Variants in ZNF512 observed in about 807,000 individuals in gnomAD.
ZNF512 encodes the protein zinc finger protein 512.
A neutral mutation model predicts 77.5 loss-of-function variants in ZNF512; 25 were observed. That is an observed-to-expected ratio of 0.32 (90% confidence interval 0.23 to 0.45). The LOEUF is 0.45. Ranked by LOEUF, ZNF512 falls within the 20% of genes least tolerant of loss-of-function variation. ZNF512 has a pLI of 1.00. For synonymous variants in ZNF512, 246 were observed against 239.9 expected (o/e 1.03, Z -0.24); for missense variants, 483 against 692.6 (o/e 0.70, Z 3.40).
At chr2:27,584,974 A>G (rs1671265164) in intron 2 of ZNF512, among the ~76,000 whole-genome samples, 1 of 152,226 alleles carries the variant, frequency 6.6e-6, no homozygotes, top group Admixed American at 6.5e-5. Flanking sequence ...TGGATTTGGA[A>G]GGGTACTGGG....
intron 10 of ZNF512, among the ~76,000 whole-genome samples, chr2:27,608,810 A>C (rs560921700): frequency 1.3e-5 from 2 of 152,060 alleles, no homozygotes; most frequent in Non-Finnish European, 2.9e-5. Flanking sequence ...GAGGAATGTT[A>C]TGTCTTATAA....
intron 2 of ZNF512, 58 bp downstream of exon 2, chr2:27,583,774 ACTT>A: frequency 6.3e-7 from 1 of 1,578,742 alleles, no homozygotes; most frequent in Non-Finnish European, 8.6e-7. Context: ...GACCAGTAGA[ACTT>A]CTTCCTGTGA....
At chr2:27,621,092 CCTTT>C (rs1410042133) in intron 13 of ZNF512, 57 bp from the exon 14 acceptor site, 85 of 1,555,026 alleles carry the variant, frequency 5.5e-5, no homozygotes, top group Non-Finnish European at 6.8e-5. Flanking sequence ...TCTTCCTCCA[CCTTT>C]CTTTATGTTC....
At chr2:27,614,677 CA>C (rs34716327) in intron 10 of ZNF512, among the ~76,000 whole-genome samples, 32,677 of 100,416 alleles carry the variant, frequency 0.33, 4,476 homozygotes, top group East Asian at 0.54. Context: ...GACTCCATCT[CA>C]AAAAAAAAAA....
chr2:27,603,460 T>A (rs1672213943), intron 9 of ZNF512, among the ~76,000 whole-genome samples, 153 bp downstream of exon 9: 1 of 152,148 alleles, frequency 6.6e-6, no homozygotes, highest in African/African-American at 2.4e-5. Context: ...TCGTTCTTTG[T>A]CCTTATTTCT....
Position 27,617,571 on chromosome 2 carries a change from G to T in ZNF512, c.1395G>T (p.Glu465Asp). 1 of 1,175,542 alleles carries T rather than the reference G, an allele frequency of 8.5e-7. No individual in the cohort carries two copies. 72.8% of individuals were successfully genotyped at this position (1,175,542 alleles called of 1,614,324 possible). The change falls in exon 13 of 14, where the codon GAG becomes GAT. Residue 465 changes from glutamate (E) to aspartate (D), a missense_variant and splice_region_variant. Glu to Asp is a conservative substitution (Grantham distance 45). Coordinates refer to ENST00000355467, the MANE Select transcript of ZNF512 (RefSeq NM_032434.4). ...ATCACATCAACTCCGTCCATGCTGA[G>T]GTGAGGTTTTTGTAATCCTGTGGGC... Reference protein sequence around the residue: ...VKYHINSVHAEDWFVVNPTTT... With the variant: ...VKYHINSVHADDWFVVNPTTT...
intron 9 of ZNF512, among the ~76,000 whole-genome samples, chr2:27,605,741 G>T (rs987018022): frequency 2.0e-5 from 3 of 152,138 alleles, no homozygotes; most frequent in African/African-American, 7.2e-5. Context: ...CTCCCAGAAT[G>T]CTGGGATTAC....
chr2:27,587,543 C>T (rs1430715478), intron 2 of ZNF512, among the ~76,000 whole-genome samples: 2 of 151,790 alleles, frequency 1.3e-5, no homozygotes, highest in Non-Finnish European at 2.9e-5. Context: ...TCCCAAAGTG[C>T]TGGGATTACA....
Position 27,620,743 on chromosome 2 carries a change from G to A in ZNF512, c.1396-410G>A, listed in dbSNP as rs1338721907. 4.6e-5 allele frequency among the ~76,000 whole-genome samples: 7 copies of A among 152,222 alleles called. No individual in the cohort carries two copies. In the East Asian group the frequency reaches 7.7e-4, roughly 17 times the overall value. ...TGTTAAGTAATTCGCCCATGGTCACGTATCTAGAAACAGAGCTGGGATTTG... is the reference window on the plus strand; with the variant it reads ...TGTTAAGTAATTCGCCCATGGTCACATATCTAGAAACAGAGCTGGGATTTG... On this transcript the variant is annotated intron_variant, in intron 13 of 13. Transcript: ENST00000355467.
Position 27,621,343 on chromosome 2 carries a change from G to A in ZNF512, c.1586G>A (p.Arg529Lys). Residue 529 changes from arginine (R) to lysine (K), a missense_variant, in exon 14 of 14, where the codon AGG becomes AAG. Around this residue, in one of 2 missense-constraint regions of ZNF512, gnomAD observed 324 missense variants for 525.0 expected, o/e 0.62. Transcript: ENST00000355467. ...LSLRVGKDQR[R>K]NNEELVVSAS... ...CTTAGAGTAGGGAAGGATCAGAGGA[G>A]GAATAATGAGGAACTGGTAGTGTCA... is the stretch of plus-strand genomic sequence containing the variant. 1 of 1,614,144 alleles carries A rather than the reference G, an allele frequency of 6.2e-7. No homozygotes were observed. The highest frequency in any genetic ancestry group is 8.5e-7 in the Non-Finnish European group (1 of 1,180,026).
At chr2:27,586,232 G>A (rs1671319311) in intron 2 of ZNF512, among the ~76,000 whole-genome samples, 1 of 151,868 alleles carries the variant, frequency 6.6e-6, no homozygotes, top group Non-Finnish European at 1.5e-5. Context: ...TGTTGTTGTT[G>A]TTGTTGTTGT....
chr2:27,597,854 G>C (rs1671942104), intron 2 of ZNF512, among the ~76,000 whole-genome samples: 1 of 152,144 alleles, frequency 6.6e-6, no homozygotes, highest in Non-Finnish European at 1.5e-5. Context: ...TATGTGTACT[G>C]CTTACTCTTA....
intron 2 of ZNF512, among the ~76,000 whole-genome samples, chr2:27,590,730 T>G (rs1416515665): frequency 6.6e-6 from 1 of 151,990 alleles, no homozygotes; most frequent in Non-Finnish European, 1.5e-5. Context: ...TGGTGGCACA[T>G]TCATTGCTTG....
intron 2 of ZNF512, among the ~76,000 whole-genome samples, chr2:27,584,761 T>TCTG (rs1671253278): frequency 6.6e-6 from 1 of 152,136 alleles, no homozygotes; most frequent in Non-Finnish European, 1.5e-5. Flanking sequence ...TGGAAAGAGT[T>TCTG]AATGGGATAG....
intron 10 of ZNF512, among the ~76,000 whole-genome samples, chr2:27,614,917 T>A (rs1672819393): frequency 6.6e-6 from 1 of 152,146 alleles, no homozygotes; most frequent in Non-Finnish European, 1.5e-5. Flanking sequence ...TTTTTCTTTT[T>A]AAACTGTAGG....
chr2:27,603,054 T>C, intron 8 of ZNF512, 86 bp from the exon 9 acceptor site: 1 of 1,466,896 alleles, frequency 6.8e-7, no homozygotes, highest in South Asian at 1.3e-5. Context: ...TATTTTGTGG[T>C]GGTGAATGCT....
chr2:27,589,859 T>C (rs1327634790), intron 2 of ZNF512, among the ~76,000 whole-genome samples: 1 of 152,202 alleles, frequency 6.6e-6, no homozygotes, highest in Non-Finnish European at 1.5e-5. Flanking sequence ...ATTTTTTGTG[T>C]TTTTTGTTTT....
chr2:27,610,564 A>AG (rs1672597906), intron 10 of ZNF512, among the ~76,000 whole-genome samples: 1 of 29,706 alleles, frequency 3.4e-5, no homozygotes, highest in Non-Finnish European at 6.4e-5. Flanking sequence ...ATATATATAT[A>AG]TATATTTTTT....
Position 27,598,246 on chromosome 2 carries a change from A to G in ZNF512, c.269A>G (p.His90Arg), listed in dbSNP as rs774993134. 6 of 1,612,152 alleles carry G rather than the reference A, an allele frequency of 3.7e-6. No homozygotes were observed. Among genetic ancestry groups the G allele is most frequent in the African/African-American group, 1.3e-5 (1 of 75,038 alleles). The change falls in exon 3 of 14, where the codon CAT becomes CGT. Residue 90 changes from histidine to arginine, a missense_variant. His to Arg is a conservative substitution (Grantham distance 29). Coordinates refer to ENST00000355467, the MANE Select transcript of ZNF512 (RefSeq NM_032434.4). Reference sequence around the variant, plus strand: ...AGAATCAAGCCAGCTGCTACTTCTCATGTCGAAGGTATCAATATCAGTGTC... The same window carrying G: ...AGAATCAAGCCAGCTGCTACTTCTCGTGTCGAAGGTATCAATATCAGTGTC... ...MRRIKPAATS[H>R]VEGSGGVSAK...
Sources: gnomAD v4.1 joint callset for allele counts (sites outside exome capture counted in the v4.1 genomes callset) on GRCh38, gnomAD v4.1.1 for gene constraint, gnomAD v4.1.1 regional missense constraint, MANE v1.5 for transcripts, NCBI Gene and HGNC (gene_info 2026-07-23, HGNC 2026-07-21) for gene names.